Variants in CPD observed in about 807,000 individuals in gnomAD.
The protein encoded by CPD is metallocarboxypeptidase D.
In CPD, 69 loss-of-function variants were observed where a neutral mutation model predicts 138.3. The ratio of observed to expected loss-of-function variants is 0.50; its 90% CI spans 0.41 to 0.61. CPD has a LOEUF of 0.61. Among genes scored for constraint, CPD ranks in the 20% least tolerant of loss-of-function variants. CPD has a pLI of 0.00. For missense variants in CPD, 1,432 were observed against 1,733.3 expected (o/e 0.83, Z 3.09); for synonymous variants, 651 against 642.1 (o/e 1.01, Z -0.21).
intron 12 of CPD, 71 bp downstream of exon 12, chr17:30,446,091 G>A: frequency 9.6e-7 from 1 of 1,042,878 alleles, no homozygotes; most frequent in Non-Finnish European, 1.4e-6. Context: ...ATGTTGAATA[G>A]TTGTAATTTA....
intron 9 of CPD, 104 bp from the exon 10 acceptor site, chr17:30,442,204 A>G: frequency 9.8e-7 from 1 of 1,022,646 alleles, no homozygotes; most frequent in Non-Finnish European, 1.5e-6. Flanking sequence ...ATCAATGCTG[A>G]TAAGAGATAA....
At chr17:30,403,492 A>C (rs1302240134) in intron 2 of CPD, among the ~76,000 whole-genome samples, 1 of 152,210 alleles carries the variant, frequency 6.6e-6, no homozygotes, top group African/African-American at 2.4e-5. Flanking sequence ...AGTATAGAAG[A>C]TAAATAAAGA....
At chr17:30,412,270 G>A (rs774702466) in intron 2 of CPD, among the ~76,000 whole-genome samples, 11 of 152,168 alleles carry the variant, frequency 7.2e-5, no homozygotes, top group Admixed American at 1.3e-4. Context: ...AGGGGCACCT[G>A]CCTGTATGAG....
intron 5 of CPD, 54 bp downstream of exon 5, chr17:30,423,077 C>T: frequency 7.6e-7 from 1 of 1,315,446 alleles, no homozygotes; most frequent in Non-Finnish European, 1.1e-6. Flanking sequence ...AAGCCATGTT[C>T]AATATTGCTA....
chr17:30,458,315 CTTGA>C (rs1913355649), intron 17 of CPD, among the ~76,000 whole-genome samples: 1 of 152,166 alleles, frequency 6.6e-6, no homozygotes, highest in South Asian at 2.1e-4. Context: ...TTTTAAATTT[CTTGA>C]TTATGTCCTT....
Position 30,431,937 on chromosome 17 carries a change from A to G in CPD, c.2127+56A>G, listed in dbSNP as rs531364746. ...AAAATTAATTCTTTTATTTAAAAATATGCTTTAAAGTCCTGCAAGACTCAG... is the reference window on the plus strand; with the variant it reads ...AAAATTAATTCTTTTATTTAAAAATGTGCTTTAAAGTCCTGCAAGACTCAG... On this transcript the variant is annotated intron_variant, in intron 8 of 20. Coordinates refer to ENST00000225719, the MANE Select transcript of CPD (RefSeq NM_001304.5). The G allele has an allele frequency of 2.8e-5, 35 of 1,249,730 alleles. No homozygotes were observed. The South Asian group carries it at 4.3e-4, about 15-fold the overall frequency. 77.4% of individuals were successfully genotyped at this position (1,249,730 alleles called of 1,614,324 possible). A position where few individuals can be genotyped will look rare whatever the true frequency, so the allele number is the denominator to read the frequency against.
At chr17:30,461,344 C>T (rs978364247) in intron 18 of CPD, 33 bp downstream of exon 18, 6 of 1,509,342 alleles carry the variant, frequency 4.0e-6, no homozygotes, top group Non-Finnish European at 5.3e-6. Flanking sequence ...GAGGCAAACT[C>T]CCAGGAATAT....
intron 20 of CPD, 41 bp downstream of exon 20, chr17:30,462,510 A>C (rs1176595035): frequency 6.9e-7 from 1 of 1,443,954 alleles, no homozygotes; most frequent in Non-Finnish European, 9.7e-7. Flanking sequence ...GTTAAAAACA[A>C]TCTTGACATT....
chr17:30,380,242 G>T (rs1455172231), intron 1 of CPD: 2 of 172,796 alleles, frequency 1.2e-5, no homozygotes, highest in Non-Finnish European at 2.4e-5. Context: ...TAGGAGTGTG[G>T]CTGGGACTTA....
chr17:30,379,082 C>T lies in CPD; in HGVS notation c.102C>T (p.Ile34=), dbSNP rs1470114044. 2 of 1,560,304 alleles carry T rather than the reference C, an allele frequency of 1.3e-6. No homozygotes were observed. The highest frequency in any genetic ancestry group is 8.6e-7 in the Non-Finnish European group (1 of 1,158,994). The part of the protein sequence containing the change: ...LLGSSARAAH[I]KKAEATTTTT... ...GGAGCTCGGCCCGGGCGGCTCACAT[C>T]AAGAAGGCGGAGGCGACTACCACAA... The change falls in exon 1 of 21, where the codon ATC becomes ATT. Residue 34 remains isoleucine (I), a synonymous_variant. Coordinates refer to ENST00000225719, the MANE Select transcript of CPD (RefSeq NM_001304.5). This position sits in a 1 kb window ranked among gnomAD's most constrained non-coding sequence, Gnocchi z 7.0.
intron 17 of CPD, among the ~76,000 whole-genome samples, chr17:30,459,766 C>T (rs546851542): frequency 6.6e-6 from 1 of 152,220 alleles, no homozygotes; most frequent in Non-Finnish European, 1.5e-5. Context: ...ACAATATTGT[C>T]CTCCTATCCA....
chr17:30,430,399 C>T (rs181353900), intron 7 of CPD, among the ~76,000 whole-genome samples: 20 of 152,200 alleles, frequency 1.3e-4, no homozygotes, highest in African/African-American at 1.9e-4. Flanking sequence ...TGTGACCTTT[C>T]GTGTCTGGCT....
intron 14 of CPD, 47 bp downstream of exon 14, chr17:30,451,893 T>A: frequency 6.4e-7 from 1 of 1,570,626 alleles, no homozygotes; most frequent in African/African-American, 1.4e-5. Context: ...GATAATTTTC[T>A]TTCTGCTAGA....
chr17:30,385,129 C>T lies in CPD; in HGVS notation c.887C>T (p.Ala296Val). 2 of 1,614,032 alleles carry T rather than the reference C, an allele frequency of 1.2e-6. No homozygotes were observed. Among genetic ancestry groups the T allele is most frequent in the Non-Finnish European group, 1.7e-6 (2 of 1,179,966 alleles). Reference protein sequence around the residue: ...EVFKYLAKAYASNHPIMKTGE... With the variant: ...EVFKYLAKAYVSNHPIMKTGE... ...TTTAAATACTTGGCAAAAGCTTATG[C>T]TTCAAACCACCCCATAATGAAAACT... The change falls in exon 2 of 21, where the codon GCT (alanine) becomes GTT (valine). Residue 296 changes from alanine (A) to valine (V), a missense_variant. This residue lies in a region of CPD where 484 missense variants were observed against 477.2 expected (regional missense o/e 1.01). Coordinates refer to ENST00000225719, the MANE Select transcript of CPD (RefSeq NM_001304.5).
chr17:30,385,331 C>G, intron 2 of CPD, 95 bp downstream of exon 2: 1 of 1,411,242 alleles, frequency 7.1e-7, no homozygotes, highest in Non-Finnish European at 9.6e-7. Flanking sequence ...CTGTAGAAAT[C>G]TAACTTTAAA....
At chr17:30,432,039 C>T (rs1912579269) in intron 8 of CPD, among the ~76,000 whole-genome samples, 158 bp downstream of exon 8, 1 of 152,178 alleles carries the variant, frequency 6.6e-6, no homozygotes, top group Non-Finnish European at 1.5e-5. Flanking sequence ...CTGTTTCCCA[C>T]CTCACTTTTG....
Position 30,462,389 on chromosome 17 carries a change from C to T in CPD, c.3836C>T (p.Ala1279Val), listed in dbSNP as rs1476444610. The change falls in exon 20 of 21, where the codon GCA (alanine) becomes GTA (valine). Residue 1279 changes from alanine (A) to valine (V), a missense_variant. Physicochemically the swap from Ala to Val is moderately conservative, Grantham distance 64. This residue lies in a region of CPD where 366 missense variants were observed against 518.8 expected (regional missense o/e 0.71). Coordinates refer to ENST00000225719, the MANE Select transcript of CPD (RefSeq NM_001304.5). Reference sequence around the variant, plus strand: ...TTCTAGGTCTTTGTGCATCATGATGCAGCTAGTTCTGTGGTGATAGTCTTT... The same window carrying T: ...TTCTAGGTCTTTGTGCATCATGATGTAGCTAGTTCTGTGGTGATAGTCTTT... ...QHSQVFVHHD[A>V]ASSVVIVFDT... 5.6e-6 allele frequency: 9 copies of T among 1,613,566 alleles called. No homozygotes were observed. The highest frequency in any genetic ancestry group is 6.8e-6 in the Non-Finnish European group (8 of 1,179,780).
At position 30,439,075 on chromosome 17, in the gene CPD, C is replaced by G. The variant is rs1163512269; in HGVS notation, c.2228C>G (p.Pro743Arg). The G allele has an allele frequency of 6.4e-7, 1 of 1,567,360 alleles. No individual in the cohort carries two copies. The highest frequency in any genetic ancestry group is 1.4e-5 in the African/African-American group (1 of 72,478). The change falls in exon 9 of 21, where the codon CCA becomes CGA. Residue 743 changes from proline (P) to arginine (R), a missense_variant and splice_region_variant. Physicochemically the swap from Pro to Arg is moderately radical, Grantham distance 103. Coordinates refer to ENST00000225719, the MANE Select transcript of CPD (RefSeq NM_001304.5). The stretch of plus-strand genomic sequence containing the variant: ...AATGGAGCTAGTTGGTATAATGTGC[C>G]AGGTAAAGATTCTTTTATATCAAGG... Reference protein sequence around the residue: ...ITNGASWYNVPGGMQDWNYLQ... With the variant: ...ITNGASWYNVRGGMQDWNYLQ...
chr17:30,453,252 T>C (rs1913211414), intron 14 of CPD, among the ~76,000 whole-genome samples: 1 of 152,096 alleles, frequency 6.6e-6, no homozygotes, highest in Non-Finnish European at 1.5e-5. Flanking sequence ...GGCTGTAAAA[T>C]CAAAAGCAAG....
Sources: gnomAD v4.1 joint callset for allele counts (sites outside exome capture counted in the v4.1 genomes callset) on GRCh38, gnomAD v4.1.1 for gene constraint, gnomAD v4.1.1 regional missense constraint, Gnocchi (gnomAD v3.1) non-coding constraint, MANE v1.5 for transcripts, NCBI Gene and HGNC (gene_info 2026-07-23, HGNC 2026-07-21) for gene names.